ITGA4: variants seen among roughly 807,000 people sequenced by gnomAD.
ITGA4 encodes integrin alpha-4.
In ITGA4, 63 loss-of-function variants were observed where a neutral mutation model predicts 133.6. That is an observed-to-expected ratio of 0.47 (90% CI 0.38 to 0.58). The LOEUF (loss-of-function observed/expected upper bound fraction) is 0.58, where lower values mean the gene tolerates loss of function less well. Ranked by LOEUF, ITGA4 falls within the 20% of genes least tolerant of loss-of-function variation. ITGA4 has a pLI of 0.00. For missense variants in ITGA4, 1,076 were observed against 1,252.7 expected (o/e 0.86, Z 2.13); for synonymous variants, 483 against 438.0 (o/e 1.10, Z -1.28).
chr2:181,507,949 A>G (rs1686428173), intron 15 of ITGA4, among the ~76,000 whole-genome samples: 1 of 152,136 alleles, frequency 6.6e-6, no homozygotes, highest in Non-Finnish European at 1.5e-5. Flanking sequence ...TAATCGAATG[A>G]CAAATGCTTT....
chr2:181,486,084 C>G, intron 10 of ITGA4, 92 bp downstream of exon 10: 1 of 1,464,672 alleles, frequency 6.8e-7, no homozygotes, highest in Non-Finnish European at 9.0e-7. Flanking sequence ...GTTTTCCTTC[C>G]TATAGAAGAT....
intron 15 of ITGA4, among the ~76,000 whole-genome samples, chr2:181,504,333 T>C (rs546359245): frequency 1.2e-4 from 18 of 152,222 alleles, no homozygotes; most frequent in Admixed American, 1.3e-4. Flanking sequence ...TATTTTGTTA[T>C]GTAAATCTTT....
At chr2:181,498,820 C>A (rs201013469) in intron 15 of ITGA4, 43 bp downstream of exon 15, 8 of 1,536,986 alleles carry the variant, frequency 5.2e-6, no homozygotes. Flanking sequence ...TGAACTTCAA[C>A]GTTGTTGATA....
Position 181,473,802 on chromosome 2 carries a change from T to G in ITGA4, c.320-1158T>G, listed in dbSNP as rs114175891. On this transcript the variant is annotated intron_variant, in intron 2 of 27. Coordinates refer to ENST00000397033, the MANE Select transcript of ITGA4 (RefSeq NM_000885.6). The stretch of plus-strand genomic sequence containing the variant: ...GGTAACATAGTGAGACCCCCATTGG[T>G]ACCAAAATAAAAATATTAGTTTGTA... Among the ~76,000 whole-genome samples the G allele has an allele frequency of 8.3e-3, 1,261 of 152,278 alleles. 22 individuals carry two copies. Among genetic ancestry groups the G allele is most frequent in the African/African-American group, 0.029 (1,191 of 41,552 alleles).
rs748102604 is a variant in ITGA4, at chr2:181,538,273, C to CTTAT, written c.*2749_*2752dup. 5 of 1,416,114 alleles carry CTTAT rather than the reference C, an allele frequency of 3.5e-6. No homozygotes were observed. The highest frequency in any genetic ancestry group is 4.0e-6 in the Non-Finnish European group (4 of 1,002,456). The allele number at this position is 1,416,114 out of a possible 1,614,324, so 87.7% of individuals were successfully genotyped here. A position where few individuals can be genotyped will look rare whatever the true frequency, so the allele number is the denominator to read the frequency against. ...TAAAGAAAATACATTATTTCATCAA[C>CTTAT]TTATTTTGTTGTTTTTCACATACAC... is the stretch of plus-strand genomic sequence containing the variant. On this transcript the variant is annotated 3_prime_UTR_variant, in exon 28 of 28. Coordinates refer to ENST00000397033, the MANE Select transcript of ITGA4 (RefSeq NM_000885.6).
chr2:181,500,930 G>A (rs1336077790), intron 15 of ITGA4, among the ~76,000 whole-genome samples: 1 of 152,072 alleles, frequency 6.6e-6, no homozygotes, highest in Non-Finnish European at 1.5e-5. Context: ...GGTGATAAAG[G>A]AAAAAGGAGG....
At position 181,537,021 on chromosome 2, in the gene ITGA4, C is replaced by A; in HGVS notation, c.*1494C>A. On this transcript the variant is annotated 3_prime_UTR_variant, in exon 28 of 28. Coordinates refer to ENST00000397033, the MANE Select transcript of ITGA4 (RefSeq NM_000885.6). ...GCCTGCAGTGATGGTGAGGAATGTT[C>A]TGAGATTTGCGAAGGCATTTGAGTA... 2.2e-6 allele frequency: 1 copy of A among 446,414 alleles called. No individual in the cohort carries two copies. Among genetic ancestry groups the A allele is most frequent in the Non-Finnish European group, 4.5e-6 (1 of 223,010 alleles). The allele number at this position is 446,414 out of a possible 1,614,324, so 27.7% of individuals were successfully genotyped here.
In ITGA4 at chr2:181,457,420, G is replaced by A. The variant is rs1032413198; in HGVS notation, c.-235G>A. On this transcript the variant is annotated 5_prime_UTR_variant, in exon 1 of 28. Coordinates refer to ENST00000397033, the MANE Select transcript of ITGA4 (RefSeq NM_000885.6). ...CGAGCACCCGAAGCTCCCGGCTGGCGGCAGAAACCGGGAGTGGGGCCGGGC... is the reference window on the plus strand; with the variant it reads ...CGAGCACCCGAAGCTCCCGGCTGGCAGCAGAAACCGGGAGTGGGGCCGGGC... 2.1e-6 allele frequency: 1 copy of A among 474,632 alleles called. No homozygotes were observed. The highest frequency in any genetic ancestry group is 3.7e-6 in the Non-Finnish European group (1 of 267,196). 29.4% of individuals were successfully genotyped at this position (474,632 alleles called of 1,614,324 possible).
intron 8 of ITGA4, 27 bp from the exon 9 acceptor site, chr2:181,482,487 G>A (rs751846001): frequency 1.2e-6 from 2 of 1,613,374 alleles, no homozygotes; most frequent in African/African-American, 1.3e-5. Context: ...TTTTCTCAAT[G>A]AGTGGATCTG....
intron 21 of ITGA4, 49 bp from the exon 22 acceptor site, chr2:181,527,248 T>C (rs1484065807): frequency 9.4e-7 from 1 of 1,067,854 alleles, no homozygotes; most frequent in East Asian, 2.4e-5. Context: ...CTCTTTATAA[T>C]ACGTCATCGA....
intron 2 of ITGA4, among the ~76,000 whole-genome samples, chr2:181,463,979 A>C (rs1031349937): frequency 1.7e-4 from 26 of 152,154 alleles, no homozygotes; most frequent in Non-Finnish European, 8.8e-5. Flanking sequence ...GGCCCATCTC[A>C]AACTACTAGA....
chr2:181,486,464 C>T (rs1574389996), intron 10 of ITGA4, among the ~76,000 whole-genome samples: 1 of 152,170 alleles, frequency 6.6e-6, no homozygotes, highest in Non-Finnish European at 1.5e-5. Context: ...GTTCTGGAAG[C>T]CCCTGCTCTG....
At chr2:181,481,403 A>G (rs1290679253) in intron 6 of ITGA4, among the ~76,000 whole-genome samples, 195 bp from the exon 7 acceptor site, 1 of 152,220 alleles carries the variant, frequency 6.6e-6, no homozygotes, top group Non-Finnish European at 1.5e-5. Flanking sequence ...ATATGACTGC[A>G]GTTTTGTAAA....
In ITGA4 at chr2:181,523,729, G is replaced by C. The variant is rs1686770165; in HGVS notation, c.2169+197G>C. Among the ~76,000 whole-genome samples the C allele has an allele frequency of 6.6e-6, 1 of 152,066 alleles. No homozygotes were observed. Among genetic ancestry groups the C allele is most frequent in the East Asian group, 1.9e-4 (1 of 5,190 alleles). ...GGCAATGTTTGCTGTTTTAAAGGGG[G>C]TGGCATGTTTACATCGAAATGGGCA... is the stretch of plus-strand genomic sequence containing the variant. On this transcript the variant is annotated intron_variant, in intron 19 of 27. Coordinates refer to ENST00000397033, the MANE Select transcript of ITGA4 (RefSeq NM_000885.6). This position sits in a 1 kb window ranked among gnomAD's most constrained non-coding sequence, Gnocchi z 4.2.
At chr2:181,512,677 TC>T (rs1315432982) in intron 17 of ITGA4, among the ~76,000 whole-genome samples, 8 of 151,922 alleles carry the variant, frequency 5.3e-5, no homozygotes, top group African/African-American at 1.7e-4. Context: ...TATAAAAAGA[TC>T]AGATAACGTA....
rs1427058772 is a variant in ITGA4, at chr2:181,527,345, G to A, written c.2388G>A (p.Glu796=). Residue 796 remains glutamate, a synonymous_variant, in exon 22 of 28, where the codon GAG becomes GAA. Coordinates refer to ENST00000397033, the MANE Select transcript of ITGA4 (RefSeq NM_000885.6). The part of the protein sequence containing the change: ...SFVYGSNDEN[E]PETCMVEKMN... ...TGTATGGATCAAATGATGAAAATGA[G>A]CCTGAAACGTGCATGGTGGAGAAAA... The A allele has an allele frequency of 6.2e-7, 1 of 1,613,218 alleles. No homozygotes were observed. Among genetic ancestry groups the A allele is most frequent in the East Asian group, 2.2e-5 (1 of 44,814 alleles).
At chr2:181,460,319 A>T (rs552696318) in intron 2 of ITGA4, among the ~76,000 whole-genome samples, 1 of 152,246 alleles carries the variant, frequency 6.6e-6, no homozygotes, top group Non-Finnish European at 1.5e-5. Flanking sequence ...CTCATGTAAC[A>T]TTCTAAAGAA....
rs750613938 is a variant in ITGA4 at position 181,535,422 on chromosome 2, C to T, written c.3004-10C>T. The T allele has an allele frequency of 6.3e-7, 1 of 1,593,078 alleles. No individual in the cohort carries two copies. Among genetic ancestry groups the T allele is most frequent in the South Asian group, 1.1e-5 (1 of 88,694 alleles). ...ACTATACACTAGTGATTATGTTATG[C>T]TATTTTCAGGCTGGCTTCTTTAAAA... is the stretch of plus-strand genomic sequence containing the variant. On this transcript the variant is annotated splice_polypyrimidine_tract_variant and intron_variant, in intron 27 of 27. Coordinates refer to ENST00000397033, the MANE Select transcript of ITGA4 (RefSeq NM_000885.6).
chr2:181,510,416 G>C (rs1043398313), intron 16 of ITGA4, among the ~76,000 whole-genome samples: 5 of 152,100 alleles, frequency 3.3e-5, no homozygotes, highest in Non-Finnish European at 7.4e-5. Context: ...CACTGACAGT[G>C]TATTTATTCT....
Sources: gnomAD v4.1 joint callset for allele counts (sites outside exome capture counted in the v4.1 genomes callset) on GRCh38, gnomAD v4.1.1 for gene constraint, Gnocchi (gnomAD v3.1) non-coding constraint, MANE v1.5 for transcripts, NCBI Gene and HGNC (gene_info 2026-07-23, HGNC 2026-07-21) for gene names.